PCDHGB6: variants seen among roughly 807,000 people sequenced by gnomAD.
PCDHGB6 encodes protocadherin gamma-B6.
A neutral mutation model predicts 59.1 loss-of-function variants in PCDHGB6; 51 were observed. The ratio of observed to expected loss-of-function variants is 0.86; its 90% CI spans 0.69 to 1.09. The LOEUF is 1.09. Among genes scored for constraint, PCDHGB6 ranks in the 50% least tolerant of loss-of-function variants. PCDHGB6 has a pLI of 0.00. For synonymous variants in PCDHGB6, 466 were observed against 495.1 expected, an observed-to-expected ratio of 0.94 and a Z score of 0.78; for missense variants, 1,148 against 1,205.1, an observed-to-expected ratio of 0.95 and a Z score of 0.70.
intron 1 of PCDHGB6, chr5:141,418,790 G>A (rs1434374059): frequency 2.5e-6 from 4 of 1,613,758 alleles, no homozygotes; most frequent in Admixed American, 3.3e-5. Flanking sequence ...GGATTTTGAA[G>A]AAGTAGAAAG....
At chr5:141,497,464 TGGA>T (rs769464389) in intron 2 of PCDHGB6, among the ~76,000 whole-genome samples, 3 of 151,764 alleles carry the variant, frequency 2.0e-5, no homozygotes, top group Non-Finnish European at 4.4e-5. Context: ...CTTGGAGATA[TGGA>T]GGAGAAGGTG....
At position 141,432,987 on chromosome 5, in the gene PCDHGB6, T is replaced by C. The variant is rs1259121931; in HGVS notation, c.2418+22367T>C. ...GCGCCGGCGTCGCACTTTGTGGGCGTGGACGGGGTGCAGGCTTTCCTGCAG... is the reference window on the plus strand; with the variant it reads ...GCGCCGGCGTCGCACTTTGTGGGCGCGGACGGGGTGCAGGCTTTCCTGCAG... On this transcript the variant is annotated intron_variant, in intron 1 of 3. Coordinates refer to ENST00000520790, the MANE Select transcript of PCDHGB6 (RefSeq NM_018926.3). The surrounding 1 kb of genome is among the most constrained non-coding windows in gnomAD (Gnocchi z 6.0). The C allele has an allele frequency of 3.7e-6, 6 of 1,614,174 alleles. No individual in the cohort carries two copies. Among genetic ancestry groups the C allele is most frequent in the Non-Finnish European group, 5.1e-6 (6 of 1,180,032 alleles).
Position 141,491,586 on chromosome 5 carries a change from G to T in PCDHGB6, c.2419-3221G>T, listed in dbSNP as rs373990387. ...ACAGGACGTGCTTTTCACCGGCCTC[G>T]GACGGCAGTGACTTCACTTTTCTAA... On this transcript the variant is annotated intron_variant, in intron 1 of 3. Transcript: ENST00000520790. This position sits in a 1 kb window ranked among gnomAD's most constrained non-coding sequence, Gnocchi z 6.9. 2.1e-5 allele frequency: 34 copies of T among 1,613,792 alleles called. No individual in the cohort carries two copies. In the African/African-American group the frequency reaches 2.4e-4, roughly 11 times the overall value.
In PCDHGB6 at chr5:141,408,711, A is replaced by T. The variant is rs763392682; in HGVS notation, c.509A>T (p.Tyr170Phe). The T allele has an allele frequency of 9.3e-6, 15 of 1,612,568 alleles. No homozygotes were observed. In the East Asian group the frequency reaches 3.3e-4, roughly 36 times the overall value. The change falls in exon 1 of 4, where the codon TAT becomes TTT. Residue 170 changes from tyrosine to phenylalanine, a missense_variant. Transcript: ENST00000520790. Reference protein sequence around the residue: ...PDININSIKDYKINSNPYFSL... With the variant: ...PDININSIKDFKINSNPYFSL... The stretch of plus-strand genomic sequence containing the variant: ...ATAAACATAAACTCAATTAAAGATT[A>T]TAAGATAAACTCTAATCCTTATTTT...
At chr5:141,448,786 A>G (rs1354591718) in intron 1 of PCDHGB6, among the ~76,000 whole-genome samples, 1 of 148,848 alleles carries the variant, frequency 6.7e-6, no homozygotes, top group African/African-American at 2.5e-5. Context: ...TAAAAATACA[A>G]AAAAAAAAAT....
Position 141,506,556 on chromosome 5 carries a change from AC to A in PCDHGB6, c.2566+1080del, listed in dbSNP as rs560503002. Among the ~76,000 whole-genome samples the A allele has an allele frequency of 4.0e-4, 60 of 151,718 alleles. 1 individual carries two copies. In the East Asian group the frequency reaches 0.011, roughly 28 times the overall value. ...AATGAGTCCTTAGGTAAGTTATTAA[AC>A]CCCCTCGGTTTCACTTACTATTAAT... On this transcript the variant is annotated intron_variant, in intron 3 of 3. Coordinates refer to ENST00000520790, the MANE Select transcript of PCDHGB6 (RefSeq NM_018926.3).
chr5:141,453,288 A>ATTAT (rs577328880), intron 1 of PCDHGB6, among the ~76,000 whole-genome samples: 1,792 of 151,444 alleles, frequency 0.012, 41 homozygotes, highest in African/African-American at 0.034. Context: ...TAATTTTTTA[A>ATTAT]TTATTTATTT....
In PCDHGB6 at chr5:141,489,911, G is replaced by A; in HGVS notation, c.2419-4896G>A. On this transcript the variant is annotated intron_variant, in intron 1 of 3. Transcript: ENST00000520790. The surrounding 1 kb of genome is among the most constrained non-coding windows in gnomAD (Gnocchi z 4.5). ...GATGGGGGGACCCCAGCCCGCTCAG[G>A]GACCACCCTTATCTCTGTCATCGTG... 3.7e-6 allele frequency: 6 copies of A among 1,614,198 alleles called. No individual in the cohort carries two copies. Among genetic ancestry groups the A allele is most frequent in the Non-Finnish European group, 5.1e-6 (6 of 1,180,042 alleles).
At chr5:141,504,429 G>T (rs947508365) in intron 2 of PCDHGB6, among the ~76,000 whole-genome samples, 1 of 152,124 alleles carries the variant, frequency 6.6e-6, no homozygotes, top group Non-Finnish European at 1.5e-5. Context: ...CACTACAACA[G>T]CTGCAGTGTG....
At chr5:141,420,314 A>C (rs1454977890) in intron 1 of PCDHGB6, 1 of 1,442,690 alleles carries the variant, frequency 6.9e-7, no homozygotes. Flanking sequence ...TTTATATTAC[A>C]ATATGCCAAT....
chr5:141,475,080 C>T (rs963278755), intron 1 of PCDHGB6, among the ~76,000 whole-genome samples: 3 of 152,128 alleles, frequency 2.0e-5, no homozygotes, highest in South Asian at 4.1e-4. Flanking sequence ...GCCATTATTT[C>T]AATAATTTTA....
intron 1 of PCDHGB6, chr5:141,478,131 A>G (rs747801474): frequency 6.2e-7 from 1 of 1,614,064 alleles, no homozygotes; most frequent in Non-Finnish European, 8.5e-7. Flanking sequence ...GACTCTCCTG[A>G]AGCCCGAGCC....
intron 1 of PCDHGB6, chr5:141,423,465 G>T: frequency 6.2e-7 from 1 of 1,614,006 alleles, no homozygotes; most frequent in South Asian, 1.1e-5. Context: ...GCGTGGACGG[G>T]GTACAGGCTT....
intron 2 of PCDHGB6, among the ~76,000 whole-genome samples, chr5:141,500,311 C>T (rs2099799036): frequency 2.0e-5 from 3 of 152,072 alleles, no homozygotes; most frequent in African/African-American, 7.2e-5. Context: ...CAGGTTCACG[C>T]CATGCTCCTG....
At chr5:141,433,383 CT>C (rs2097595660) in intron 1 of PCDHGB6, among the ~76,000 whole-genome samples, 1 of 151,456 alleles carries the variant, frequency 6.6e-6, no homozygotes, top group Non-Finnish European at 1.5e-5. Context: ...ATCTATCTAT[CT>C]ATCTATCTAT....
chr5:141,458,873 C>T (rs1278498446), intron 1 of PCDHGB6, among the ~76,000 whole-genome samples: 2 of 152,148 alleles, frequency 1.3e-5, no homozygotes, highest in African/African-American at 4.8e-5. Context: ...GCTGGGACTA[C>T]AGGCATGCAC....
chr5:141,467,990 A>G (rs1593103654), intron 1 of PCDHGB6, among the ~76,000 whole-genome samples: 2 of 152,052 alleles, frequency 1.3e-5, no homozygotes, highest in South Asian at 2.1e-4. Context: ...GAAAACCACA[A>G]TTCTTTCTTC....
At position 141,431,566 on chromosome 5, in the gene PCDHGB6, T is replaced by G; in HGVS notation, c.2418+20946T>G. ...TGCTTGTAGTCAACGCTACCGACCCTGACGAAGGAGTCAATGCGGAAGTGA... is the reference window on the plus strand; with the variant it reads ...TGCTTGTAGTCAACGCTACCGACCCGGACGAAGGAGTCAATGCGGAAGTGA... On this transcript the variant is annotated intron_variant, in intron 1 of 3. Transcript: ENST00000520790. This position sits in a 1 kb window ranked among gnomAD's most constrained non-coding sequence, Gnocchi z 4.8. 6.2e-7 allele frequency: 1 copy of G among 1,614,128 alleles called. No homozygotes were observed. The highest frequency in any genetic ancestry group is 1.1e-5 in the South Asian group (1 of 91,088).
chr5:141,415,461 T>C, intron 1 of PCDHGB6: 5 of 1,614,180 alleles, frequency 3.1e-6, no homozygotes, highest in Non-Finnish European at 4.2e-6. Context: ...ACGAGGTCTC[T>C]CTCACCGCGG....
Sources: gnomAD v4.1 joint callset for allele counts (sites outside exome capture counted in the v4.1 genomes callset) on GRCh38, gnomAD v4.1.1 for gene constraint, Gnocchi (gnomAD v3.1) non-coding constraint, MANE v1.5 for transcripts, NCBI Gene and HGNC (gene_info 2026-07-23, HGNC 2026-07-21) for gene names.